FHIP1A: variants seen among roughly 807,000 people sequenced by gnomAD.
FHIP1A encodes the protein FHF complex subunit HOOK interacting protein 1A.
FHIP1A carries 61 observed loss-of-function variants against 88.6 expected under a neutral mutation model. The observed-to-expected ratio is 0.69, with a 90% CI of 0.56 to 0.85. The LOEUF is 0.85. Ranked by LOEUF, FHIP1A falls within the 40% of genes least tolerant of loss-of-function variation. The pLI is 0.00. For missense variants in FHIP1A, 1,154 were observed against 1,273.5 expected, an observed-to-expected ratio of 0.91 and a Z score of 1.43; for synonymous variants, 478 against 496.0, an observed-to-expected ratio of 0.96 and a Z score of 0.48.
rs1057149853 is a variant in FHIP1A, at chr4:151,650,591, A to G, written c.2550A>G (p.Thr850=). Residue 850 remains threonine (T), a splice_region_variant and synonymous_variant, in exon 11 of 14, where the codon ACA becomes ACG. Coordinates refer to ENST00000435205, the MANE Select transcript of FHIP1A (RefSeq NM_001109977.3). ...TGAGGACTCAAAGCACCCCATTCAC[A>G]GGTGACCATCTTAAATTGCTTTGTG... The part of the protein sequence containing the change: ...HPVRTQSTPF[T]GPFISVVLSK... 1.3e-6 allele frequency: 2 copies of G among 1,543,998 alleles called. No homozygotes were observed. The highest frequency in any genetic ancestry group is 2.4e-5 in the East Asian group (1 of 40,822).
intron 3 of FHIP1A, among the ~76,000 whole-genome samples, chr4:151,521,771 C>CT (rs1731455665): frequency 6.6e-6 from 1 of 152,166 alleles, no homozygotes; most frequent in African/African-American, 2.4e-5. Context: ...GTCCCACAGA[C>CT]TGGAGTGCAG....
chr4:151,538,452 A>G (rs972183432), intron 3 of FHIP1A, among the ~76,000 whole-genome samples: 3 of 152,176 alleles, frequency 2.0e-5, no homozygotes, highest in Admixed American at 6.5e-5. Flanking sequence ...CTGGATTTCC[A>G]TTCCCAGACC....
intron 7 of FHIP1A, among the ~76,000 whole-genome samples, chr4:151,593,124 A>G (rs887016592): frequency 6.6e-6 from 1 of 152,020 alleles, no homozygotes; most frequent in East Asian, 1.9e-4. Context: ...TGGTCTATAT[A>G]TCTGTTTTGG....
chr4:151,591,528 C>T (rs540585187), intron 7 of FHIP1A, among the ~76,000 whole-genome samples: 4 of 152,120 alleles, frequency 2.6e-5, no homozygotes, highest in African/African-American at 4.8e-5. Flanking sequence ...TATGTATACA[C>T]GTGCCATGGT....
intron 3 of FHIP1A, among the ~76,000 whole-genome samples, chr4:151,484,204 C>T (rs888249634): frequency 6.6e-6 from 1 of 152,178 alleles, no homozygotes; most frequent in East Asian, 1.9e-4. Flanking sequence ...ATTAGCCACT[C>T]ATGAATCCTG....
chr4:151,473,988 C>T (rs1729614099), intron 2 of FHIP1A, among the ~76,000 whole-genome samples: 1 of 152,184 alleles, frequency 6.6e-6, no homozygotes, highest in Admixed American at 6.5e-5. Context: ...TTTCACAACT[C>T]ATAATACAGC....
At chr4:151,587,219 T>C (rs941530303) in intron 6 of FHIP1A, among the ~76,000 whole-genome samples, 7 of 152,200 alleles carry the variant, frequency 4.6e-5, no homozygotes, top group Admixed American at 1.3e-4. Flanking sequence ...AATATTGTTA[T>C]CCTGATTGAA....
chr4:151,483,785 A>G lies in FHIP1A; in HGVS notation c.-123+1137A>G, dbSNP rs114567668. ...CCCTTCCCCCTAGTCTTCCAAGTCT[A>G]TCATTTTAGAGACAGTTTAAGATAC... On this transcript the variant is annotated intron_variant, in intron 3 of 13. Coordinates refer to ENST00000435205, the MANE Select transcript of FHIP1A (RefSeq NM_001109977.3). Among the ~76,000 whole-genome samples the G allele has an allele frequency of 2.7e-3, 408 of 152,222 alleles. 1 individual carries two copies. The highest frequency in any genetic ancestry group is 9.4e-3 in the African/African-American group (389 of 41,528).
chr4:151,549,995 G>T (rs1732663051), intron 3 of FHIP1A, among the ~76,000 whole-genome samples: 1 of 151,764 alleles, frequency 6.6e-6, no homozygotes, highest in South Asian at 2.1e-4. Flanking sequence ...TCTTTAAAAA[G>T]GGTTTATTTT....
chr4:151,411,960 A>T lies in FHIP1A; in HGVS notation c.-356+2495A>T, dbSNP rs75919553. Among the ~76,000 whole-genome samples, 718 of 152,322 alleles carry T rather than the reference A, an allele frequency of 4.7e-3. 5 individuals carry two copies. Among genetic ancestry groups the T allele is most frequent in the African/African-American group, 0.016 (651 of 41,576 alleles). On this transcript the variant is annotated intron_variant, in intron 1 of 13. Coordinates refer to ENST00000435205, the MANE Select transcript of FHIP1A (RefSeq NM_001109977.3). Reference sequence around the variant, plus strand: ...TTATAGGGATCTCTTAATGAAAACAATAACAGAAGTGAACAGTTCTGTAGT... The same window carrying T: ...TTATAGGGATCTCTTAATGAAAACATTAACAGAAGTGAACAGTTCTGTAGT...
At chr4:151,520,392 C>T (rs910595301) in intron 3 of FHIP1A, among the ~76,000 whole-genome samples, 2 of 151,996 alleles carry the variant, frequency 1.3e-5, no homozygotes, top group Admixed American at 6.6e-5. Context: ...TTCTGTGACT[C>T]TTTCTGTTCT....
intron 5 of FHIP1A, among the ~76,000 whole-genome samples, chr4:151,584,604 C>T (rs1318568214): frequency 6.6e-6 from 1 of 151,990 alleles, no homozygotes; most frequent in African/African-American, 2.4e-5. Context: ...CGTCTCTAGC[C>T]CAGAGCTCTC....
intron 1 of FHIP1A, among the ~76,000 whole-genome samples, chr4:151,429,256 C>T (rs1336668673): frequency 1.3e-5 from 2 of 152,212 alleles, no homozygotes; most frequent in Non-Finnish European, 2.9e-5. Flanking sequence ...ACCATTGTTT[C>T]CCCAACACTT....
intron 1 of FHIP1A, among the ~76,000 whole-genome samples, chr4:151,446,654 T>G: frequency 6.6e-6 from 1 of 151,642 alleles, no homozygotes; most frequent in East Asian, 1.9e-4. Flanking sequence ...TTAAAAAGTT[T>G]AGAGTCTTTT....
intron 3 of FHIP1A, among the ~76,000 whole-genome samples, chr4:151,491,786 A>G (rs1730292613): frequency 6.6e-6 from 1 of 152,198 alleles, no homozygotes; most frequent in African/African-American, 2.4e-5. Context: ...ACTTAAGGTA[A>G]AGGGATAGAA....
chr4:151,569,920 T>C (rs1464155857), intron 4 of FHIP1A, among the ~76,000 whole-genome samples: 1 of 152,092 alleles, frequency 6.6e-6, no homozygotes, highest in Non-Finnish European at 1.5e-5. Context: ...CATTCTAGAG[T>C]AGACTTTCAG....
In FHIP1A at chr4:151,666,933, C is replaced by T. The variant is rs1737687205; in HGVS notation, c.*4179C>T. On this transcript the variant is annotated 3_prime_UTR_variant, in exon 14 of 14. Transcript: ENST00000435205. ...AGTAAGCCCTTAATTTTAAATGGTCCCGGCGTGGTGTTCAGTATCTGCATA... is the reference window on the plus strand; with the variant it reads ...AGTAAGCCCTTAATTTTAAATGGTCTCGGCGTGGTGTTCAGTATCTGCATA... Among the ~76,000 whole-genome samples the T allele has an allele frequency of 6.6e-6, 1 of 152,160 alleles. No homozygotes were observed. Among genetic ancestry groups the T allele is most frequent in the South Asian group, 2.1e-4 (1 of 4,830 alleles).
At chr4:151,526,336 G>A (rs1218402995) in intron 3 of FHIP1A, among the ~76,000 whole-genome samples, 9 of 151,502 alleles carry the variant, frequency 5.9e-5, no homozygotes, top group South Asian at 4.2e-4. Flanking sequence ...AGGGGCGGCC[G>A]GGCAGAGGCG....
In FHIP1A at chr4:151,662,771, T is replaced by TTA. The variant is rs397805273; in HGVS notation, c.*17_*18insTA. The TTA allele has an allele frequency of 1.4e-6, 2 of 1,456,610 alleles. No homozygotes were observed. The highest frequency in any genetic ancestry group is 1.8e-6 in the Non-Finnish European group (2 of 1,101,952). The allele number at this position is 1,456,610 out of a possible 1,614,324, so 90.2% of individuals were successfully genotyped here. A position where few individuals can be genotyped will look rare whatever the true frequency, so the allele number is the denominator to read the frequency against. On this transcript the variant is annotated 3_prime_UTR_variant, in exon 14 of 14. Coordinates refer to ENST00000435205, the MANE Select transcript of FHIP1A (RefSeq NM_001109977.3). Reference sequence around the variant, plus strand: ...TGCTGTTAGCTTTTTTTTTTTTTTTTAATAGAGGTTCTTGTTTTGTAAGGT... The same window carrying TTA: ...TGCTGTTAGCTTTTTTTTTTTTTTTTTAAATAGAGGTTCTTGTTTTGTAAGGT...
Sources: allele counts gnomAD v4.1 joint callset (sites outside exome capture counted in the v4.1 genomes callset), GRCh38; gene constraint gnomAD v4.1.1; transcripts MANE v1.5; gene names NCBI Gene and HGNC (gene_info 2026-07-23, HGNC 2026-07-21).